Variants in OSBPL10 observed in about 807,000 individuals in gnomAD.
The protein encoded by OSBPL10 is oxysterol-binding protein-related protein 10.
Under a neutral mutation model 81.7 loss-of-function variants are expected in OSBPL10, and 49 were observed. That is an observed-to-expected ratio of 0.60 (90% confidence interval 0.48 to 0.76). OSBPL10 has a LOEUF of 0.76. Among genes scored for constraint, OSBPL10 ranks in the 30% least tolerant of loss-of-function variants. The pLI is 0.00. For synonymous variants in OSBPL10, 419 were observed against 383.6 expected (o/e 1.09, Z -1.08); for missense variants, 923 against 987.8 (o/e 0.93, Z 0.88).
At chr3:31,950,735 T>A (rs955498370) in intron 1 of OSBPL10, among the ~76,000 whole-genome samples, 2 of 152,174 alleles carry the variant, frequency 1.3e-5, no homozygotes, top group African/African-American at 4.8e-5. Context: ...TGGTAATAAG[T>A]GAGTTCTCAC....
chr3:31,899,557 C>G (rs1255247062), intron 1 of OSBPL10, among the ~76,000 whole-genome samples: 2 of 152,114 alleles, frequency 1.3e-5, no homozygotes, highest in African/African-American at 2.4e-5. Context: ...TTTAAAAAAT[C>G]TGAACACCAT....
intron 1 of OSBPL10, among the ~76,000 whole-genome samples, chr3:31,923,772 G>A (rs1696987316): frequency 6.6e-6 from 1 of 152,156 alleles, no homozygotes; most frequent in Admixed American, 6.5e-5. Flanking sequence ...CAATGACAGA[G>A]CGAGATCCTG....
intron 4 of OSBPL10, among the ~76,000 whole-genome samples, chr3:31,786,269 C>G (rs990363326): frequency 3.3e-5 from 5 of 152,116 alleles, no homozygotes; most frequent in African/African-American, 1.2e-4. Context: ...ATATTTTTGG[C>G]CATGAAGCTT....
intron 4 of OSBPL10, among the ~76,000 whole-genome samples, chr3:31,783,111 TTA>T (rs56846176): frequency 0.028 from 3,370 of 121,230 alleles, 54 homozygotes; most frequent in East Asian, 0.061. Flanking sequence ...AATATATCTA[TTA>T]TATATATATA....
At chr3:31,806,499 A>T (rs1019556406) in intron 4 of OSBPL10, among the ~76,000 whole-genome samples, 2 of 152,238 alleles carry the variant, frequency 1.3e-5, no homozygotes, top group Admixed American at 1.3e-4. Flanking sequence ...TGCAAGGGTC[A>T]TTCCTTCTTT....
intron 4 of OSBPL10, among the ~76,000 whole-genome samples, chr3:31,768,499 A>G (rs1395254950): frequency 1.3e-5 from 2 of 152,194 alleles, no homozygotes; most frequent in African/African-American, 2.4e-5. Flanking sequence ...AAAATGTGTA[A>G]TATTAGTACT....
chr3:31,879,417 G>T, intron 2 of OSBPL10: 1 of 481,630 alleles, frequency 2.1e-6, no homozygotes, highest in Non-Finnish European at 3.7e-6. Flanking sequence ...GCGCTGCTTT[G>T]GGAATCACTC....
intron 4 of OSBPL10, among the ~76,000 whole-genome samples, chr3:31,789,041 C>T (rs113874255): frequency 0.026 from 3,916 of 151,766 alleles, 77 homozygotes; most frequent in Middle Eastern, 0.034. Flanking sequence ...TGCGGTGGCG[C>T]GATCTTGGCT....
intron 1 of OSBPL10, among the ~76,000 whole-genome samples, chr3:31,898,815 C>G (rs140934736): frequency 6.6e-6 from 1 of 151,716 alleles, no homozygotes; most frequent in Admixed American, 6.6e-5. Flanking sequence ...CAATATAAGT[C>G]TACATAAAAT....
chr3:31,912,433 C>T (rs1054361256), intron 1 of OSBPL10, among the ~76,000 whole-genome samples: 71 of 151,702 alleles, frequency 4.7e-4, no homozygotes, highest in Middle Eastern at 3.4e-3. Flanking sequence ...GTGATAGTCA[C>T]GGGGTCGGGG....
chr3:31,835,667 C>T (rs1700346273), intron 3 of OSBPL10, among the ~76,000 whole-genome samples: 1 of 151,928 alleles, frequency 6.6e-6, no homozygotes, highest in African/African-American at 2.4e-5. Context: ...CCAAGGCAAA[C>T]AGAAAAAAAT....
chr3:31,765,878 C>A (rs11716090), intron 4 of OSBPL10, among the ~76,000 whole-genome samples: 86,808 of 151,948 alleles, frequency 0.57, 28,757 homozygotes, highest in East Asian at 0.8. Flanking sequence ...GAAGTGAAAC[C>A]ACCCACACTC....
rs397957994 is a variant in OSBPL10 at position 31,885,995 on chromosome 3, CAAAAAA to C, written c.282-6171_282-6166del. On this transcript the variant is annotated intron_variant, in intron 1 of 11. Transcript: ENST00000396556. ...GGGAAACAAGAGCGAAACTCCATCT[CAAAAAA>C]AAAAAAAAAAAAAGAAAGAAAGAAA... is the stretch of plus-strand genomic sequence containing the variant. Among the ~76,000 whole-genome samples, 439 of 62,534 alleles carry C rather than the reference CAAAAAA, an allele frequency of 7.0e-3. 14 individuals are homozygous for C. In the East Asian group the frequency reaches 0.16, roughly 23 times the overall value. The allele number at this position is 62,534 out of a possible 152,430, so 41.0% of individuals were successfully genotyped here. A position where few individuals can be genotyped will look rare whatever the true frequency, so the allele number is the denominator to read the frequency against.
chr3:31,982,918 C>T (rs1267531074), upstream of OSBPL10, among the ~76,000 whole-genome samples: 2 of 152,184 alleles, frequency 1.3e-5, no homozygotes, highest in Non-Finnish European at 2.9e-5. Flanking sequence ...GGAATGTGAA[C>T]AGAAGTAATG....
intron 1 of OSBPL10, among the ~76,000 whole-genome samples, chr3:31,938,068 C>G (rs1010814119): frequency 6.6e-6 from 1 of 152,154 alleles, no homozygotes; most frequent in Non-Finnish European, 1.5e-5. Context: ...ACAGTACCTG[C>G]CAAACATCTC....
In OSBPL10 at chr3:31,748,140, T is replaced by C. The variant is rs756313139; in HGVS notation, c.730-20A>G. ...CATCATCTACAAAACAAGAAGACAG[T>C]AAGGAGGTGAGGGGCGGAAGTTCTT... On this transcript the variant is annotated intron_variant, in intron 4 of 11. Coordinates refer to ENST00000396556, the MANE Select transcript of OSBPL10 (RefSeq NM_017784.5). 5 of 1,596,026 alleles carry C rather than the reference T, an allele frequency of 3.1e-6. No homozygotes were observed. In the South Asian group the frequency reaches 5.6e-5, roughly 18 times the overall value.
At chr3:31,861,795 G>A (rs1379149069) in intron 3 of OSBPL10, among the ~76,000 whole-genome samples, 1 of 152,086 alleles carries the variant, frequency 6.6e-6, no homozygotes, top group Non-Finnish European at 1.5e-5. Context: ...ATTCTGGGTG[G>A]CATCACCTCG....
intron 3 of OSBPL10, among the ~76,000 whole-genome samples, chr3:31,873,260 A>AT (rs1163833681): frequency 6.6e-6 from 1 of 152,224 alleles, no homozygotes; most frequent in Non-Finnish European, 1.5e-5. Flanking sequence ...ATATTCTACG[A>AT]TAAAAAGGAA....
At chr3:31,949,605 T>C (rs1287971204) in intron 1 of OSBPL10, among the ~76,000 whole-genome samples, 1 of 130,730 alleles carries the variant, frequency 7.6e-6, no homozygotes, top group African/African-American at 3.0e-5. Context: ...GAGGTGGAGC[T>C]TGCAGTGAGC....
Sources: allele counts gnomAD v4.1 joint callset (sites outside exome capture counted in the v4.1 genomes callset), GRCh38; gene constraint gnomAD v4.1.1; transcripts MANE v1.5; gene names NCBI Gene and HGNC (gene_info 2026-07-23, HGNC 2026-07-21).